UBTD2: variants seen among roughly 807,000 people sequenced by gnomAD.
UBTD2 encodes ubiquitin domain-containing protein 2.
UBTD2 carries 9 observed loss-of-function variants against 19.8 expected under a neutral mutation model. The ratio of observed to expected loss-of-function variants is 0.46; its 90% confidence interval spans 0.27 to 0.79. The LOEUF is 0.79. Among genes scored for constraint, UBTD2 ranks in the 30% least tolerant of loss-of-function variants. The probability of loss-of-function intolerance (pLI) is 0.14; values close to 1 mark genes in which losing one functional copy is unlikely to be tolerated. For synonymous variants in UBTD2, 98 were observed against 103.9 expected, an observed-to-expected ratio of 0.94 and a Z score of 0.35; for missense variants, 250 against 300.4, an observed-to-expected ratio of 0.83 and a Z score of 1.24.
At chr5:172,223,699 T>C (rs540272723) in intron 2 of UBTD2, among the ~76,000 whole-genome samples, 1 of 149,000 alleles carries the variant, frequency 6.7e-6, no homozygotes, top group Non-Finnish European at 1.5e-5. Context: ...AAAAGCATTA[T>C]AAGCTAAGTC....
chr5:172,245,573 G>A (rs962649489), intron 1 of UBTD2, among the ~76,000 whole-genome samples: 1 of 152,072 alleles, frequency 6.6e-6, no homozygotes, highest in Non-Finnish European at 1.5e-5. Context: ...TTAGCCCCAC[G>A]TGGTGGCGCA....
rs977956330 is a variant in UBTD2 at position 172,265,446 on chromosome 5, T to C, written c.70+18150A>G. Among the ~76,000 whole-genome samples, 24 of 152,290 alleles carry C rather than the reference T, an allele frequency of 1.6e-4. No homozygotes were observed. The East Asian group carries it at 4.5e-3, about 28-fold the overall frequency. ...GCCCCCTGGGTTCACGCCATTCTCC[T>C]GCCTCAGCCTCCCGAGTAGCTGGGA... On this transcript the variant is annotated intron_variant, in intron 1 of 2. Transcript: ENST00000393792.
At position 172,210,273 on chromosome 5, in the gene UBTD2, C is replaced by T. The variant is rs2113867348; in HGVS notation, c.*1557G>A. ...GAAATTCAATACCATTTAAACATTA[C>T]ATTTAAACTAATTAGCAGTTTCATT... is the stretch of plus-strand genomic sequence containing the variant. On this transcript the variant is annotated 3_prime_UTR_variant, in exon 3 of 3. Transcript: ENST00000393792. 1.3e-5 allele frequency: 2 copies of T among 152,314 alleles called. No homozygotes were observed. The highest frequency in any genetic ancestry group is 6.8e-3 in the Middle Eastern group (2 of 294). 9.4% of individuals were successfully genotyped at this position (152,314 alleles called of 1,614,324 possible).
chr5:172,251,820 A>G (rs1484854546), intron 1 of UBTD2, among the ~76,000 whole-genome samples: 2 of 152,228 alleles, frequency 1.3e-5, no homozygotes, highest in African/African-American at 4.8e-5. Context: ...AAACATCTCA[A>G]AGTATAAAAC....
At chr5:172,274,766 C>T (rs538809401) in intron 1 of UBTD2, among the ~76,000 whole-genome samples, 14 of 151,974 alleles carry the variant, frequency 9.2e-5, no homozygotes, top group East Asian at 3.9e-4. Flanking sequence ...TGAGGCCAGG[C>T]GCGGTGGCTC....
intron 1 of UBTD2, among the ~76,000 whole-genome samples, chr5:172,259,890 T>C (rs181759027): frequency 6.6e-6 from 1 of 152,098 alleles, no homozygotes; most frequent in East Asian, 1.9e-4. Flanking sequence ...CAGTCTCTAC[T>C]GAAAATACAA....
intron 1 of UBTD2, among the ~76,000 whole-genome samples, chr5:172,279,878 G>T (rs917723851): frequency 5.3e-5 from 8 of 152,272 alleles, no homozygotes; most frequent in Admixed American, 4.6e-4. Context: ...GGGCGAGGTG[G>T]CTCACGTGAA....
chr5:172,257,036 G>A lies in UBTD2; in HGVS notation c.71-22678C>T, dbSNP rs74484668. On this transcript the variant is annotated intron_variant, in intron 1 of 2. Transcript: ENST00000393792. ...GGAGGTATATGTGCAGGTTTGTTACGTGGGTAAATTGAATGTCACTGGGGT... is the reference window on the plus strand; with the variant it reads ...GGAGGTATATGTGCAGGTTTGTTACATGGGTAAATTGAATGTCACTGGGGT... 9.6e-3 allele frequency among the ~76,000 whole-genome samples: 1,456 copies of A among 152,038 alleles called. 19 individuals are homozygous for A. The highest frequency in any genetic ancestry group is 0.033 in the African/African-American group (1,375 of 41,452).
intron 1 of UBTD2, among the ~76,000 whole-genome samples, chr5:172,261,659 C>G (rs1180337040): frequency 6.6e-6 from 1 of 151,908 alleles, no homozygotes; most frequent in African/African-American, 2.4e-5. Flanking sequence ...GAGTCTCACT[C>G]TGTTGCCCAG....
intron 1 of UBTD2, among the ~76,000 whole-genome samples, chr5:172,244,540 C>T (rs1754820551): frequency 1.3e-5 from 2 of 151,528 alleles, no homozygotes; most frequent in Admixed American, 1.3e-4. Flanking sequence ...TTAGATGATC[C>T]GCCCGCCTTA....
At chr5:172,249,785 A>G (rs930419960) in intron 1 of UBTD2, among the ~76,000 whole-genome samples, 1 of 152,254 alleles carries the variant, frequency 6.6e-6, no homozygotes, top group African/African-American at 2.4e-5. Flanking sequence ...AAGATATGTA[A>G]TATGTCACAT....
chr5:172,247,783 A>G (rs1474467652), intron 1 of UBTD2, among the ~76,000 whole-genome samples: 1 of 152,236 alleles, frequency 6.6e-6, no homozygotes, highest in Non-Finnish European at 1.5e-5. Context: ...ACATATAGAC[A>G]GAATAGTGAT....
chr5:172,242,723 T>C (rs184276174), intron 1 of UBTD2, among the ~76,000 whole-genome samples: 1 of 152,330 alleles, frequency 6.6e-6, no homozygotes, highest in East Asian at 1.9e-4. Context: ...CAGGGGGTGA[T>C]CTCTGACATC....
intron 1 of UBTD2, among the ~76,000 whole-genome samples, chr5:172,247,479 T>A (rs921400260): frequency 6.6e-6 from 1 of 152,060 alleles, no homozygotes; most frequent in Non-Finnish European, 1.5e-5. Context: ...ACCACTGCAC[T>A]CCAACCTGAG....
chr5:172,218,790 T>TA (rs1200379659), intron 2 of UBTD2, among the ~76,000 whole-genome samples: 17 of 51,122 alleles, frequency 3.3e-4, no homozygotes, highest in African/African-American at 8.6e-4. Flanking sequence ...AAAAAAAAAA[T>TA]AAAAAAATAA....
chr5:172,241,197 C>T (rs994249567), intron 1 of UBTD2, among the ~76,000 whole-genome samples: 1 of 151,760 alleles, frequency 6.6e-6, no homozygotes, highest in East Asian at 1.9e-4. Context: ...GTGGATCACC[C>T]GAGGTCAGGA....
intron 2 of UBTD2, among the ~76,000 whole-genome samples, chr5:172,212,664 T>C (rs1771473754): frequency 6.6e-6 from 1 of 152,200 alleles, no homozygotes; most frequent in Non-Finnish European, 1.5e-5. Flanking sequence ...AGTTTTCTTT[T>C]ATTCTTTTTC....
intron 2 of UBTD2, among the ~76,000 whole-genome samples, chr5:172,222,071 T>A: frequency 6.6e-6 from 1 of 152,180 alleles, no homozygotes; most frequent in Non-Finnish European, 1.5e-5. Context: ...TGATTTCATT[T>A]TAAGTCTATA....
At chr5:172,282,184 G>A (rs1755731791) in intron 1 of UBTD2, among the ~76,000 whole-genome samples, 1 of 152,184 alleles carries the variant, frequency 6.6e-6, no homozygotes, top group Admixed American at 6.5e-5. Context: ...ACAATTAGAG[G>A]AAGATTCATT....
Sources: allele counts gnomAD v4.1 joint callset (sites outside exome capture counted in the v4.1 genomes callset), GRCh38; gene constraint gnomAD v4.1.1; transcripts MANE v1.5; gene names NCBI Gene and HGNC (gene_info 2026-07-23, HGNC 2026-07-21).